The following TMEM266 variants were observed in gnomAD, a reference collection of about 807,000 sequenced individuals.
TMEM266 encodes transmembrane protein 266, also known as Hv1 related protein 1.
Under a neutral mutation model 50.5 loss-of-function variants are expected in TMEM266, and 33 were observed. The observed-to-expected ratio is 0.65, with a 90% CI of 0.50 to 0.87. The LOEUF is 0.87. Among genes scored for constraint, TMEM266 ranks in the 40% least tolerant of loss-of-function variants. The pLI is 0.00. For missense variants in TMEM266, 655 were observed against 695.1 expected (o/e 0.94, Z 0.65); for synonymous variants, 310 against 292.3 (o/e 1.06, Z -0.62).
intron 5 of TMEM266, among the ~76,000 whole-genome samples, chr15:76,162,880 G>A (rs1342825108): frequency 6.6e-6 from 1 of 152,238 alleles, no homozygotes; most frequent in Non-Finnish European, 1.5e-5. Context: ...TAATACCCAG[G>A]GATGTGGCTG....
chr15:76,160,602 G>T lies in TMEM266; in HGVS notation c.456+434G>T, dbSNP rs2038003439. ...GGGCCCACAGTTGGCCGGACCTTTG[G>T]GGCTGAAGCACGCAGTGGGTGGGGG... On this transcript the variant is annotated intron_variant, in intron 5 of 10. Transcript: ENST00000388942. The surrounding 1 kb of genome is among the most constrained non-coding windows in gnomAD (Gnocchi z 5.7). Among the ~76,000 whole-genome samples the T allele has an allele frequency of 6.6e-6, 1 of 152,202 alleles. No homozygotes were observed. Among genetic ancestry groups the T allele is most frequent in the Admixed American group, 6.5e-5 (1 of 15,286 alleles).
At chr15:76,122,988 A>G (rs904286) in intron 1 of TMEM266, among the ~76,000 whole-genome samples, 7,384 of 152,244 alleles carry the variant, frequency 0.049, 570 homozygotes, top group African/African-American at 0.16. Flanking sequence ...GTGTAACCTT[A>G]TTTTGTGTTT....
chr15:76,141,519 G>A (rs546315492), intron 3 of TMEM266, among the ~76,000 whole-genome samples: 111 of 152,222 alleles, frequency 7.3e-4, no homozygotes, highest in Non-Finnish European at 1.4e-3. Context: ...GATTACAGGC[G>A]TGAGCCACAG....
At chr15:76,189,460 G>A (rs903742511) in intron 8 of TMEM266, among the ~76,000 whole-genome samples, 3 of 152,096 alleles carry the variant, frequency 2.0e-5, no homozygotes, top group Non-Finnish European at 2.9e-5. Context: ...AGTGAATTGC[G>A]GGGAAATGAA....
chr15:76,115,577 C>G (rs1326885276), intron 1 of TMEM266, among the ~76,000 whole-genome samples: 1 of 152,180 alleles, frequency 6.6e-6, no homozygotes, highest in African/African-American at 2.4e-5. Flanking sequence ...ATGCCCCATT[C>G]CACTGAACAT....
intron 1 of TMEM266, among the ~76,000 whole-genome samples, chr15:76,065,412 T>A (rs1044859280): frequency 5.9e-5 from 9 of 152,144 alleles, no homozygotes; most frequent in Non-Finnish European, 1.2e-4. Context: ...CTCAGCAACA[T>A]CTGACCCCAT....
At chr15:76,084,913 A>G (rs1185775769) in intron 1 of TMEM266, among the ~76,000 whole-genome samples, 1 of 150,070 alleles carries the variant, frequency 6.7e-6, no homozygotes, top group Non-Finnish European at 1.5e-5. Context: ...TAAGTTTTTA[A>G]GTAGGGAAAT....
At chr15:76,120,469 A>C (rs1192545007) in intron 1 of TMEM266, among the ~76,000 whole-genome samples, 1 of 152,054 alleles carries the variant, frequency 6.6e-6, no homozygotes, top group Non-Finnish European at 1.5e-5. Context: ...AAGAAAAGTA[A>C]GGAAAGATAG....
chr15:76,170,347 GC>G (rs2038168379), intron 6 of TMEM266, among the ~76,000 whole-genome samples: 1 of 152,202 alleles, frequency 6.6e-6, no homozygotes, highest in African/African-American at 2.4e-5. Flanking sequence ...CAGATCTGCT[GC>G]CCACTCCTTC....
At chr15:76,130,678 T>G (rs1277458472) in intron 1 of TMEM266, among the ~76,000 whole-genome samples, 1 of 152,170 alleles carries the variant, frequency 6.6e-6, no homozygotes, top group African/African-American at 2.4e-5. Context: ...TCCAAAACAG[T>G]CATGAGTGGT....
At chr15:76,178,363 A>T (rs1471215648) in intron 8 of TMEM266, among the ~76,000 whole-genome samples, 1 of 152,162 alleles carries the variant, frequency 6.6e-6, no homozygotes, top group Admixed American at 6.5e-5. Flanking sequence ...GCAGGGTGTC[A>T]TCCAGAAAGC....
In TMEM266 at chr15:76,169,860, A is replaced by C; in HGVS notation, c.501A>C (p.Glu167Asp). ...TGCTTGGGATCTGGGATTACATCGA[A>C]AACAAAATAGAGGTAAAGACCAATG... Residue 167 changes from glutamate to aspartate, a missense_variant, in exon 6 of 11, where the codon GAA becomes GAC. Physicochemically the swap from Glu to Asp is conservative, Grantham distance 45 (BLOSUM62 2). Around this residue, in one of 3 missense-constraint regions of TMEM266, gnomAD observed 101 missense variants for 182.6 expected, o/e 0.55. Coordinates refer to ENST00000388942, the MANE Select transcript of TMEM266 (RefSeq NM_152335.3). 1 of 1,613,760 alleles carries C rather than the reference A, an allele frequency of 6.2e-7. No individual in the cohort carries two copies. The highest frequency in any genetic ancestry group is 1.1e-5 in the South Asian group (1 of 91,072).
At chr15:76,142,822 C>T (rs1387537626) in intron 3 of TMEM266, among the ~76,000 whole-genome samples, 1 of 152,190 alleles carries the variant, frequency 6.6e-6, no homozygotes, top group African/African-American at 2.4e-5. Context: ...CCTCTCTTCA[C>T]CTCTGCACTC....
intron 3 of TMEM266, among the ~76,000 whole-genome samples, chr15:76,151,955 G>A (rs745964255): frequency 5.3e-5 from 8 of 152,096 alleles, no homozygotes; most frequent in Admixed American, 2.0e-4. Context: ...GGGTCCTCCC[G>A]CAGAGGTTGT....
intron 8 of TMEM266, among the ~76,000 whole-genome samples, chr15:76,184,768 C>T (rs1193409767): frequency 1.3e-5 from 2 of 152,186 alleles, no homozygotes; most frequent in African/African-American, 2.4e-5. Flanking sequence ...ATTAAAAGCC[C>T]GGCCCCGATG....
intron 5 of TMEM266, among the ~76,000 whole-genome samples, chr15:76,165,186 C>G (rs2038076788): frequency 2.0e-5 from 3 of 152,230 alleles, no homozygotes; most frequent in Admixed American, 1.3e-4. Flanking sequence ...AGCCTGAAGC[C>G]TGGACCCCTT....
chr15:76,079,602 A>G (rs1422721002), intron 1 of TMEM266, among the ~76,000 whole-genome samples: 2 of 150,422 alleles, frequency 1.3e-5, no homozygotes, highest in Non-Finnish European at 3.0e-5. Context: ...AGCCTGGCCA[A>G]CATGGTGAAA....
chr15:76,119,391 C>CAAAAAAAAAAAAAAAA (rs57532855), intron 1 of TMEM266, among the ~76,000 whole-genome samples: 1 of 109,754 alleles, frequency 9.1e-6, no homozygotes. Context: ...GGGTTTATGG[C>CAAAAAAAAAAAAAAAA]AAAAAAAAAA....
At chr15:76,155,292 A>G (rs1170616644) in intron 3 of TMEM266, among the ~76,000 whole-genome samples, 3 of 152,144 alleles carry the variant, frequency 2.0e-5, no homozygotes, top group African/African-American at 7.2e-5. Context: ...ACTACCAAGC[A>G]GGTGAGGTTT....
Sources: allele counts gnomAD v4.1 joint callset (sites outside exome capture counted in the v4.1 genomes callset), GRCh38; gene constraint gnomAD v4.1.1; regional missense constraint gnomAD v4.1.1; non-coding constraint Gnocchi (gnomAD v3.1); transcripts MANE v1.5; gene names NCBI Gene and HGNC (gene_info 2026-07-23, HGNC 2026-07-21).